NMI: variants seen among roughly 807,000 people sequenced by gnomAD.
NMI encodes N-myc-interactor.
NMI carries 39 observed loss-of-function variants against 34.3 expected under a neutral mutation model. The observed-to-expected ratio is 1.14, with a 90% CI of 0.88 to 1.49. The LOEUF (loss-of-function observed/expected upper bound fraction) is 1.49. Ranked by LOEUF, NMI falls within the 40% of genes most tolerant of loss-of-function variation. The pLI, the probability that NMI is intolerant of heterozygous loss-of-function variation, is 0.00. For synonymous variants in NMI, 113 were observed against 120.3 expected, an observed-to-expected ratio of 0.94 and a Z score of 0.40; for missense variants, 339 against 358.1, an observed-to-expected ratio of 0.95 and a Z score of 0.43.
intron 4 of NMI, 30 bp downstream of exon 4, chr2:151,278,798 C>G (rs753080645): frequency 6.4e-7 from 1 of 1,565,162 alleles, no homozygotes; most frequent in Admixed American, 1.7e-5. Context: ...TTCCAAATAA[C>G]ATGGTCATAT....
intron 1 of NMI, among the ~76,000 whole-genome samples, chr2:151,285,356 GAGATAGATAGATAGAT>G (rs71403153): frequency 0.016 from 2,359 of 147,598 alleles, 38 homozygotes; most frequent in African/African-American, 0.044. Flanking sequence ...ATTGATGATT[GAGATAGATAGATAGAT>G]AGATAGATAG....
At chr2:151,275,937 A>C in intron 4 of NMI, 73 bp from the exon 5 acceptor site, 3 of 987,962 alleles carry the variant, frequency 3.0e-6, no homozygotes, top group Non-Finnish European at 4.5e-6. Context: ...GTTTAAGAAC[A>C]AATTATCCTG....
chr2:151,284,874 A>G lies in NMI; in HGVS notation c.-6-1920T>C, dbSNP rs540943005. Among the ~76,000 whole-genome samples the G allele has an allele frequency of 3.3e-5, 5 of 152,366 alleles. No individual in the cohort carries two copies. In the South Asian group the frequency reaches 1.0e-3, roughly 32 times the overall value. Reference sequence around the variant, plus strand: ...AGACATCTATTCCTCCTTAAAAATAAAATAGAAGACTAGCAAAAACTTAGC... The same window carrying G: ...AGACATCTATTCCTCCTTAAAAATAGAATAGAAGACTAGCAAAAACTTAGC... On this transcript the variant is annotated intron_variant, in intron 1 of 7. Transcript: ENST00000243346.
intron 1 of NMI, among the ~76,000 whole-genome samples, chr2:151,285,203 A>C (rs925283400): frequency 1.3e-5 from 2 of 152,232 alleles, no homozygotes; most frequent in African/African-American, 2.4e-5. Context: ...GAATTGATCA[A>C]GTAAGTAAAT....
chr2:151,282,761 C>A, intron 2 of NMI, 107 bp downstream of exon 2: 1 of 562,748 alleles, frequency 1.8e-6, no homozygotes, highest in Non-Finnish European at 3.0e-6. Flanking sequence ...GCCTAACGGC[C>A]TCCCAAATTC....
chr2:151,281,601 T>C (rs6747782), intron 3 of NMI, among the ~76,000 whole-genome samples: 90,557 of 151,998 alleles, frequency 0.6, 27,247 homozygotes, highest in Admixed American at 0.66. Context: ...TGTTTTAACT[T>C]CAAACATCCT....
chr2:151,284,518 G>A (rs903969702), intron 1 of NMI, among the ~76,000 whole-genome samples: 2 of 152,000 alleles, frequency 1.3e-5, no homozygotes, highest in East Asian at 1.9e-4. Context: ...AGACTGTCTC[G>A]AACTCCTGGG....
At chr2:151,275,415 T>C (rs1218021610) in intron 6 of NMI, 69 bp downstream of exon 6, 11 of 1,355,284 alleles carry the variant, frequency 8.1e-6, no homozygotes, top group African/African-American at 1.4e-5. Context: ...AGAATAGGAA[T>C]ACTTTCAGAA....
chr2:151,279,755 C>A (rs1028126655), intron 3 of NMI, among the ~76,000 whole-genome samples: 1 of 152,014 alleles, frequency 6.6e-6, no homozygotes, highest in African/African-American at 2.4e-5. Context: ...GGATTACAGG[C>A]GTGAGCCACC....
chr2:151,280,222 T>TA (rs951629316), intron 3 of NMI, among the ~76,000 whole-genome samples: 1 of 129,812 alleles, frequency 7.7e-6, no homozygotes, highest in Non-Finnish European at 1.6e-5. Flanking sequence ...ACCTGAAAGA[T>TA]AAAGGTAGGT....
At chr2:151,283,095 T>G in intron 1 of NMI, 141 bp from the exon 2 acceptor site, 2 of 443,314 alleles carry the variant, frequency 4.5e-6, no homozygotes, top group Non-Finnish European at 8.0e-6. Flanking sequence ...AAGGCTTTAT[T>G]ATCATATGGC....
At chr2:151,279,461 A>T (rs913687021) in intron 3 of NMI, among the ~76,000 whole-genome samples, 2 of 151,914 alleles carry the variant, frequency 1.3e-5, no homozygotes, top group African/African-American at 4.8e-5. Flanking sequence ...AAGACTCTAG[A>T]ATTAGATAAT....
chr2:151,282,753 C>T (rs897139404), intron 2 of NMI, 115 bp downstream of exon 2: 7 of 540,072 alleles, frequency 1.3e-5, no homozygotes, highest in African/African-American at 2.0e-5. Flanking sequence ...TTTTTAAAGC[C>T]TAACGGCCTC....
intron 1 of NMI, chr2:151,289,086 A>AC (rs912408569): frequency 1.4e-5 from 2 of 145,366 alleles, no homozygotes; most frequent in African/African-American, 5.7e-5. Flanking sequence ...TACTAAAAAT[A>AC]CAAAAAAAAA....
intron 1 of NMI, among the ~76,000 whole-genome samples, chr2:151,289,323 C>G (rs528743569): frequency 2.1e-4 from 32 of 151,948 alleles, no homozygotes; most frequent in African/African-American, 7.5e-4. Flanking sequence ...TTTCAATTTC[C>G]TCAATGAAGC....
At chr2:151,279,069 A>G in intron 3 of NMI, 79 bp from the exon 4 acceptor site, 2 of 938,072 alleles carry the variant, frequency 2.1e-6, no homozygotes, top group Non-Finnish European at 3.2e-6. Context: ...TAATTTGGTC[A>G]TCCAATAATT....
intron 4 of NMI, among the ~76,000 whole-genome samples, chr2:151,276,637 C>T (rs565615341): frequency 3.3e-5 from 5 of 152,256 alleles, no homozygotes; most frequent in African/African-American, 1.2e-4. Flanking sequence ...GTCATTTGTA[C>T]AATTAGTCTT....
Position 151,270,817 on chromosome 2 carries a change from A to G in NMI, c.800T>C (p.Met267Thr), listed in dbSNP as rs1292819086. The G allele has an allele frequency of 4.3e-6, 7 of 1,613,848 alleles. No homozygotes were observed. The highest frequency in any genetic ancestry group is 1.7e-5 in the Admixed American group (1 of 59,996). The change falls in exon 8 of 8, where the codon ATG becomes ACG. Residue 267 changes from methionine to threonine, a missense_variant. By Grantham distance (81) the Met-to-Thr change is moderately conservative. Coordinates refer to ENST00000243346, the MANE Select transcript of NMI (RefSeq NM_004688.3). ...TAAATCCTCCACAATTTCTTCATCC[A>G]TTTGAATGCCTTCCATTCCTGTCAG... ...VLLTGMEGIQMDEEIVEDLIN... is the reference protein window; with the variant it reads ...VLLTGMEGIQTDEEIVEDLIN...
At chr2:151,276,909 G>A (rs1370279413) in intron 4 of NMI, among the ~76,000 whole-genome samples, 1 of 152,152 alleles carries the variant, frequency 6.6e-6, no homozygotes, top group Non-Finnish European at 1.5e-5. Context: ...TGTGCAAATG[G>A]GAGAGGTTTA....
Sources: allele counts gnomAD v4.1 joint callset (sites outside exome capture counted in the v4.1 genomes callset), GRCh38; gene constraint gnomAD v4.1.1; transcripts MANE v1.5; gene names NCBI Gene and HGNC (gene_info 2026-07-23, HGNC 2026-07-21).